Variants in SCN8A observed in about 807,000 individuals in gnomAD.
SCN8A encodes the protein sodium voltage-gated channel alpha subunit 8.
SCN8A carries 30 observed loss-of-function variants against 184.1 expected under a neutral mutation model. That is an observed-to-expected ratio of 0.16 (90% CI 0.12 to 0.22). SCN8A has a LOEUF of 0.22. SCN8A is among the 10% of genes least tolerant of loss of function. The pLI is 1.00. For missense variants in SCN8A, 1,057 were observed against 2,498.9 expected, an observed-to-expected ratio of 0.42 and a Z score of 12.30; for synonymous variants, 852 against 907.0, an observed-to-expected ratio of 0.94 and a Z score of 1.09.
chr12:51,659,561 C>T (rs1010211670), intron 1 of SCN8A, among the ~76,000 whole-genome samples: 1 of 152,134 alleles, frequency 6.6e-6, no homozygotes, highest in African/African-American at 2.4e-5. Context: ...TGTAGAATGC[C>T]TTGAGTGGCA....
chr12:51,605,574 T>A (rs375930277), intron 1 of SCN8A, among the ~76,000 whole-genome samples: 1 of 152,244 alleles, frequency 6.6e-6, no homozygotes, highest in East Asian at 1.9e-4. Context: ...AGTATCTTTT[T>A]CATATAATGA....
At chr12:51,725,670 CT>C (rs1942145169) in intron 12 of SCN8A, among the ~76,000 whole-genome samples, 1 of 152,074 alleles carries the variant, frequency 6.6e-6, no homozygotes, top group Non-Finnish European at 1.5e-5. Flanking sequence ...ATATTAGCTC[CT>C]TTAGAAAGTG....
At position 51,770,697 on chromosome 12, in the gene SCN8A, G is replaced by T. The variant is rs202031360; in HGVS notation, c.3645+14G>T. On this transcript the variant is annotated intron_variant, in intron 19 of 26. Transcript: ENST00000627620. Reference sequence around the variant, plus strand: ...AGTGGCGCCCTGGTGAGGTCCAGGGGAGAGTGTGAGGAGGGATTGGCTGGG... The same window carrying T: ...AGTGGCGCCCTGGTGAGGTCCAGGGTAGAGTGTGAGGAGGGATTGGCTGGG... The T allele has an allele frequency of 1.2e-6, 2 of 1,613,080 alleles. No individual in the cohort carries two copies. Among genetic ancestry groups the T allele is most frequent in the Non-Finnish European group, 1.7e-6 (2 of 1,179,248 alleles).
chr12:51,620,936 AT>A (rs1939948305), intron 1 of SCN8A, among the ~76,000 whole-genome samples: 1 of 152,122 alleles, frequency 6.6e-6, no homozygotes, highest in South Asian at 2.1e-4. Context: ...GTAGTGAGCC[AT>A]GGTTACACCA....
At chr12:51,671,045 T>C (rs1396688405) in intron 2 of SCN8A, among the ~76,000 whole-genome samples, 2 of 152,202 alleles carry the variant, frequency 1.3e-5, no homozygotes, top group African/African-American at 4.8e-5. Flanking sequence ...TAGAGGCTTA[T>C]GGTGCTCTAA....
chr12:51,591,472 C>G (rs1939216302), intron 1 of SCN8A, 113 bp downstream of exon 1: 1 of 152,646 alleles, frequency 6.6e-6, no homozygotes. Flanking sequence ...GGCTTTGCCG[C>G]AGAGTGCGCG....
At position 51,807,048 on chromosome 12, in the gene SCN8A, G is replaced by A. The variant is rs1166756973; in HGVS notation, c.5562G>A (p.Arg1854=). 6.2e-7 allele frequency: 1 copy of A among 1,614,030 alleles called. No individual in the cohort carries two copies. The highest frequency in any genetic ancestry group is 1.3e-5 in the African/African-American group (1 of 75,054). The part of the protein sequence containing the change: ...CLDILFAFTK[R]VLGDSGELDI... ...ACATCCTTTTTGCCTTCACCAAGCG[G>A]GTCCTGGGAGATAGCGGGGAGTTGG... The change falls in exon 27 of 27, where the codon CGG becomes CGA. Residue 1854 remains arginine (R), a synonymous_variant. Coordinates refer to ENST00000627620, the MANE Select transcript of SCN8A (RefSeq NM_001330260.2). This position sits in a 1 kb window ranked among gnomAD's most constrained non-coding sequence, Gnocchi z 4.5.
At chr12:51,694,418 G>A (rs754441163) in intron 6 of SCN8A, among the ~76,000 whole-genome samples, 3 of 152,164 alleles carry the variant, frequency 2.0e-5, no homozygotes, top group Non-Finnish European at 4.4e-5. Flanking sequence ...TTCTTCACCT[G>A]CTTCTTAAAA....
intron 2 of SCN8A, among the ~76,000 whole-genome samples, chr12:51,678,338 G>T (rs1350040626): frequency 1.3e-5 from 2 of 152,210 alleles, no homozygotes; most frequent in Non-Finnish European, 2.9e-5. Flanking sequence ...GTTGACCCTG[G>T]ACTTGACAGA....
At chr12:51,642,677 C>G (rs144304507) in intron 1 of SCN8A, among the ~76,000 whole-genome samples, 1 of 151,940 alleles carries the variant, frequency 6.6e-6, no homozygotes, top group East Asian at 1.9e-4. Flanking sequence ...TCACAGTACC[C>G]TGTGAGATGA....
Position 51,705,586 on chromosome 12 carries a change from T to C in SCN8A, c.1304T>C (p.Met435Thr). ...CAAAAAGAGGCTGAATTTAAAGCAA[T>C]GTTGGAGCAACTTAAGAAGCAACAG... ...AEQKEAEFKA[M>T]LEQLKKQQEE... Residue 435 changes from methionine to threonine, a missense_variant, in exon 10 of 27, where the codon ATG (methionine) becomes ACG (threonine). By Grantham distance (81) the Met-to-Thr change is moderately conservative. Coordinates refer to ENST00000627620, the MANE Select transcript of SCN8A (RefSeq NM_001330260.2). The C allele has an allele frequency of 6.2e-7, 1 of 1,613,762 alleles. No individual in the cohort carries two copies. Among genetic ancestry groups the C allele is most frequent in the Non-Finnish European group, 8.5e-7 (1 of 1,179,792 alleles).
chr12:51,683,515 C>T (rs1030235041), intron 2 of SCN8A, among the ~76,000 whole-genome samples: 1 of 152,140 alleles, frequency 6.6e-6, no homozygotes, highest in African/African-American at 2.4e-5. Context: ...ACATTTCTCA[C>T]TTCCTTCCAG....
intron 12 of SCN8A, among the ~76,000 whole-genome samples, chr12:51,738,749 C>T (rs894518847): frequency 3.3e-5 from 5 of 152,208 alleles, no homozygotes; most frequent in African/African-American, 4.8e-5. Flanking sequence ...TGTATTTGTA[C>T]GCCTTTTAAA....
intron 11 of SCN8A, among the ~76,000 whole-genome samples, chr12:51,718,584 A>G (rs1942002554): frequency 6.6e-6 from 1 of 152,044 alleles, no homozygotes; most frequent in East Asian, 1.9e-4. Flanking sequence ...AAATAAATCT[A>G]ATTTAGCCAA....
intron 7 of SCN8A, among the ~76,000 whole-genome samples, 159 bp from the exon 8 acceptor site, chr12:51,700,985 T>C (rs1485914390): frequency 1.3e-5 from 2 of 152,186 alleles, no homozygotes; most frequent in Non-Finnish European, 2.9e-5. Context: ...AGAAAATCAT[T>C]AATAGGAAAG....
At chr12:51,647,210 C>CA (rs1020356437) in intron 1 of SCN8A, among the ~76,000 whole-genome samples, 6 of 152,138 alleles carry the variant, frequency 3.9e-5, no homozygotes, top group Non-Finnish European at 5.9e-5. Context: ...TCCAAGTACT[C>CA]AAAGTGTAAG....
At chr12:51,781,478 T>C (rs1937920371) in intron 21 of SCN8A, among the ~76,000 whole-genome samples, 1 of 152,142 alleles carries the variant, frequency 6.6e-6, no homozygotes, top group South Asian at 2.1e-4. Context: ...GATGACTGAA[T>C]ATCAGCTAGT....
chr12:51,811,182 T>G lies in SCN8A; in HGVS notation c.*3753T>G, dbSNP rs923592685. The G allele has an allele frequency of 1.3e-5, 2 of 152,142 alleles. No homozygotes were observed. The highest frequency in any genetic ancestry group is 4.8e-5 in the African/African-American group (2 of 41,410). 9.4% of individuals were successfully genotyped at this position (152,142 alleles called of 1,614,324 possible). On this transcript the variant is annotated 3_prime_UTR_variant, in exon 27 of 27. Transcript: ENST00000627620. ...TGGGAGGGGTCTGGGAATTGGGACC[T>G]TAGCACATTTGGGGAAAGGAGGGGA...
intron 14 of SCN8A, among the ~76,000 whole-genome samples, chr12:51,753,921 T>TA (rs1162984005): frequency 2.6e-5 from 4 of 152,234 alleles, no homozygotes; most frequent in African/African-American, 7.2e-5. Context: ...TGAAATAAAG[T>TA]ATGACCTTGT....
Sources: allele counts gnomAD v4.1 joint callset (sites outside exome capture counted in the v4.1 genomes callset), GRCh38; gene constraint gnomAD v4.1.1; non-coding constraint Gnocchi (gnomAD v3.1); transcripts MANE v1.5; gene names NCBI Gene and HGNC (gene_info 2026-07-23, HGNC 2026-07-21).